NRCAM: variants seen among roughly 807,000 people sequenced by gnomAD.
NRCAM encodes neuronal cell adhesion molecule.
A neutral mutation model predicts 156.5 loss-of-function variants in NRCAM; 83 were observed. The observed-to-expected ratio is 0.53, with a 90% CI of 0.44 to 0.64. The LOEUF (loss-of-function observed/expected upper bound fraction) is 0.64. NRCAM is among the 30% of genes least tolerant of loss of function. The probability of loss-of-function intolerance (pLI) is 0.00; values close to 1 mark genes in which losing one functional copy is unlikely to be tolerated. For synonymous variants in NRCAM, 538 were observed against 563.9 expected (o/e 0.95, Z 0.65); for missense variants, 1,417 against 1,597.3 (o/e 0.89, Z 1.92).
chr7:108,194,920 G>A (rs1388609184), intron 15 of NRCAM, among the ~76,000 whole-genome samples: 2 of 152,168 alleles, frequency 1.3e-5, no homozygotes, highest in Admixed American at 1.3e-4. Flanking sequence ...GGAGGTAGAG[G>A]ACTTAAACCT....
chr7:108,231,770 C>G (rs1010422681), intron 7 of NRCAM, among the ~76,000 whole-genome samples: 6 of 152,066 alleles, frequency 3.9e-5, no homozygotes, highest in African/African-American at 1.4e-4. Context: ...CTACAACGAA[C>G]ATGTATTATA....
chr7:108,155,984 A>G (rs562238384), intron 32 of NRCAM, among the ~76,000 whole-genome samples: 2 of 152,242 alleles, frequency 1.3e-5, no homozygotes, highest in African/African-American at 4.8e-5. Flanking sequence ...ATTCGGCAAC[A>G]GCAGGTAAAT....
At chr7:108,334,119 C>A (rs1446516069) in intron 2 of NRCAM, among the ~76,000 whole-genome samples, 1 of 152,142 alleles carries the variant, frequency 6.6e-6, no homozygotes, top group Admixed American at 6.5e-5. Context: ...GTCACAACAT[C>A]AAGAATTTTT....
intron 8 of NRCAM, 80 bp from the exon 9 acceptor site, chr7:108,226,458 C>A: frequency 1.1e-6 from 1 of 918,940 alleles, no homozygotes; most frequent in East Asian, 2.4e-5. Context: ...AATGTACCTA[C>A]TAATAGGTCT....
At chr7:108,431,996 CA>C (rs1278197526) in intron 1 of NRCAM, among the ~76,000 whole-genome samples, 1 of 152,180 alleles carries the variant, frequency 6.6e-6, no homozygotes, top group African/African-American at 2.4e-5. Context: ...TTAAAGTTAT[CA>C]GATAGGTGCA....
chr7:108,315,989 G>A (rs1336534503), intron 2 of NRCAM, among the ~76,000 whole-genome samples: 6 of 152,234 alleles, frequency 3.9e-5, no homozygotes, highest in Admixed American at 3.3e-4. Flanking sequence ...TGGAAATCAT[G>A]TTGTCATATA....
chr7:108,321,077 T>A (rs936136795), intron 2 of NRCAM, among the ~76,000 whole-genome samples: 1 of 152,224 alleles, frequency 6.6e-6, no homozygotes, highest in African/African-American at 2.4e-5. Context: ...AAAAGTTGTA[T>A]AGGTTTGGCT....
intron 13 of NRCAM, among the ~76,000 whole-genome samples, chr7:108,200,169 T>C (rs759807776): frequency 2.0e-5 from 3 of 152,214 alleles, no homozygotes; most frequent in Non-Finnish European, 4.4e-5. Context: ...CGAGATACTT[T>C]GAATTGACTT....
At chr7:108,427,553 T>G (rs1010729591) in intron 1 of NRCAM, among the ~76,000 whole-genome samples, 1 of 152,216 alleles carries the variant, frequency 6.6e-6, no homozygotes. Flanking sequence ...GATTAACAAT[T>G]ACAAGTACCA....
intron 2 of NRCAM, among the ~76,000 whole-genome samples, chr7:108,346,127 G>A (rs775825526): frequency 1.4e-4 from 21 of 152,196 alleles, no homozygotes; most frequent in Non-Finnish European, 2.4e-4. Context: ...GGCAGTGGGG[G>A]TGGCGAGGAG....
At chr7:108,234,991 A>T in intron 5 of NRCAM, 1 of 464,882 alleles carries the variant, frequency 2.2e-6, no homozygotes, top group Non-Finnish European at 4.0e-6. Flanking sequence ...TTCTTTTCTG[A>T]TGTAACAATG....
At chr7:108,181,684 T>G (rs1290158904) in intron 24 of NRCAM, 138 bp downstream of exon 24, 6 of 451,196 alleles carry the variant, frequency 1.3e-5, no homozygotes, top group African/African-American at 2.0e-5. Context: ...CCTGAGGCAA[T>G]GAGCGAAATG....
chr7:108,347,274 G>C (rs1337585944), intron 2 of NRCAM, among the ~76,000 whole-genome samples: 5 of 152,026 alleles, frequency 3.3e-5, no homozygotes, highest in Non-Finnish European at 4.4e-5. Flanking sequence ...CTGACCTTGT[G>C]ATCCACCCGC....
intron 1 of NRCAM, among the ~76,000 whole-genome samples, chr7:108,418,783 T>C (rs1805237448): frequency 6.6e-6 from 1 of 152,192 alleles, no homozygotes; most frequent in African/African-American, 2.4e-5. Flanking sequence ...ACTGTGTGGA[T>C]TTTTTTCTGG....
intron 3 of NRCAM, among the ~76,000 whole-genome samples, chr7:108,269,761 G>T (rs1023255054): frequency 2.0e-5 from 3 of 152,018 alleles, no homozygotes; most frequent in Admixed American, 2.0e-4. Flanking sequence ...AAATAAATTG[G>T]GTTCAATGCA....
intron 3 of NRCAM, among the ~76,000 whole-genome samples, chr7:108,250,374 C>T (rs574498333): frequency 7.7e-6 from 1 of 130,046 alleles, no homozygotes; most frequent in East Asian, 2.6e-4. Flanking sequence ...TGCAGTGAGC[C>T]AAGATCGTGC....
At chr7:108,347,737 G>A (rs536477446) in intron 2 of NRCAM, among the ~76,000 whole-genome samples, 25 of 152,166 alleles carry the variant, frequency 1.6e-4, no homozygotes, top group Non-Finnish European at 2.9e-4. Flanking sequence ...GCCTATGAGG[G>A]CCTTGCAGAA....
At chr7:108,417,441 T>A (rs893299714) in intron 1 of NRCAM, among the ~76,000 whole-genome samples, 2 of 152,048 alleles carry the variant, frequency 1.3e-5, no homozygotes, top group Non-Finnish European at 2.9e-5. Flanking sequence ...ATAACAACAA[T>A]CCTACCTATA....
chr7:108,300,702 A>AT (rs561969322), intron 3 of NRCAM, among the ~76,000 whole-genome samples: 1 of 151,930 alleles, frequency 6.6e-6, no homozygotes, highest in Admixed American at 6.6e-5. Context: ...GAATTTCTCC[A>AT]TTTTTTTTCT....
Sources: allele counts gnomAD v4.1 joint callset (sites outside exome capture counted in the v4.1 genomes callset), GRCh38; gene constraint gnomAD v4.1.1; transcripts MANE v1.5; gene names NCBI Gene and HGNC (gene_info 2026-07-23, HGNC 2026-07-21).